Variants in KIAA1217 observed in about 807,000 individuals in gnomAD.
The protein encoded by KIAA1217 is KIAA1217, also known as sickle tail protein homolog.
A neutral mutation model predicts 163.9 loss-of-function variants in KIAA1217; 88 were observed. That is an observed-to-expected ratio of 0.54 (90% CI 0.45 to 0.64). The LOEUF is 0.64. Ranked by LOEUF, KIAA1217 falls within the 30% of genes least tolerant of loss-of-function variation. KIAA1217 has a pLI of 0.00. For synonymous variants in KIAA1217, 903 were observed against 923.1 expected (o/e 0.98, Z 0.39); for missense variants, 2,372 against 2,475.0 (o/e 0.96, Z 0.88).
chr10:24,452,379 G>C (rs1370654113), intron 5 of KIAA1217, among the ~76,000 whole-genome samples: 1 of 151,934 alleles, frequency 6.6e-6, no homozygotes, highest in Non-Finnish European at 1.5e-5. Context: ...CATTTAGCAG[G>C]AATGAATGAG....
chr10:24,163,389 C>A (rs1401553657), intron 2 of KIAA1217, among the ~76,000 whole-genome samples: 1 of 152,224 alleles, frequency 6.6e-6, no homozygotes, highest in Non-Finnish European at 1.5e-5. Context: ...TCTCAACTCT[C>A]AAATTCCATC....
At chr10:23,820,045 A>G (rs1057072444) in intron 1 of KIAA1217, among the ~76,000 whole-genome samples, 12 of 152,352 alleles carry the variant, frequency 7.9e-5, no homozygotes, top group African/African-American at 2.2e-4. Context: ...GCACAAATAC[A>G]GAGTATCTGG....
intron 1 of KIAA1217, among the ~76,000 whole-genome samples, chr10:23,898,295 C>CTATA (rs202024385): frequency 2.7e-4 from 41 of 150,138 alleles, no homozygotes; most frequent in African/African-American, 9.3e-4. Flanking sequence ...ATTTATAAGA[C>CTATA]TATATATATA....
chr10:24,071,955 G>T (rs1165301263), intron 2 of KIAA1217, among the ~76,000 whole-genome samples: 1 of 151,966 alleles, frequency 6.6e-6, no homozygotes, highest in Non-Finnish European at 1.5e-5. Context: ...CAGAATCCTG[G>T]TTAGGAAGTA....
At chr10:23,875,738 G>A (rs1005303346) in intron 1 of KIAA1217, among the ~76,000 whole-genome samples, 2 of 151,898 alleles carry the variant, frequency 1.3e-5, no homozygotes, top group African/African-American at 2.4e-5. Flanking sequence ...GAAAAATGTG[G>A]CACATATACA....
chr10:24,211,396 G>A (rs1187281440), intron 1 of KIAA1217, among the ~76,000 whole-genome samples: 1 of 136,220 alleles, frequency 7.3e-6, no homozygotes, highest in Non-Finnish European at 1.6e-5. Context: ...TTTTTAGAGA[G>A]GGTCTCATTT....
Position 24,542,771 on chromosome 10 carries a change from G to A in KIAA1217, c.3612+1G>A, listed in dbSNP as rs1477104802. On this transcript the variant is annotated splice_donor_variant, in intron 18 of 20. Coordinates refer to ENST00000376454, the MANE Select transcript of KIAA1217 (RefSeq NM_019590.5). LOFTEE classifies it high-confidence loss of function. ...TGGCCCCCAAATGGAATTCCAAAAG[G>A]TGAGTTCACCAGATCTGGGTTCCGA... The A allele has an allele frequency of 1.2e-6, 2 of 1,613,916 alleles. No homozygotes were observed. Among genetic ancestry groups the A allele is most frequent in the Admixed American group, 3.3e-5 (2 of 60,024 alleles).
intron 3 of KIAA1217, among the ~76,000 whole-genome samples, chr10:24,389,087 T>C (rs920041072): frequency 2.0e-5 from 3 of 152,104 alleles, no homozygotes; most frequent in African/African-American, 7.2e-5. Flanking sequence ...ATCATGCTGC[T>C]ATAAACACAC....
intron 2 of KIAA1217, among the ~76,000 whole-genome samples, chr10:24,197,766 C>G (rs2067058950): frequency 6.6e-6 from 1 of 152,210 alleles, no homozygotes; most frequent in African/African-American, 2.4e-5. Flanking sequence ...TCTCTCAAAT[C>G]CATTCTCCAC....
intron 2 of KIAA1217, among the ~76,000 whole-genome samples, chr10:24,337,383 A>C (rs762619413): frequency 2.0e-5 from 3 of 152,152 alleles, no homozygotes; most frequent in Non-Finnish European, 4.4e-5. Flanking sequence ...CCCCATCCTA[A>C]TGAGTATGAA....
At chr10:24,337,636 TTTTCTTTTCTTTTC>T (rs761727183) in intron 2 of KIAA1217, among the ~76,000 whole-genome samples, 7,856 of 78,788 alleles carry the variant, frequency 0.1, 473 homozygotes, top group African/African-American at 0.21. Flanking sequence ...TTTTCTTTTC[TTTTCTTTTCTTTTC>T]TTTTTTTTTT....
intron 6 of KIAA1217, among the ~76,000 whole-genome samples, chr10:24,484,241 A>ATATATATATATATTTTTTTTTTTT (rs1376083298): frequency 2.1e-4 from 16 of 75,158 alleles, no homozygotes; most frequent in East Asian, 4.6e-4. Context: ...ATATATATAT[A>ATATATATATATATTTTTTTTTTTT]TTTTTTTTTT....
chr10:24,121,858 T>G (rs146555699), intron 2 of KIAA1217, among the ~76,000 whole-genome samples: 1 of 152,300 alleles, frequency 6.6e-6, no homozygotes, highest in East Asian at 1.9e-4. Context: ...TTTGCCACCT[T>G]TATTACATAC....
intron 1 of KIAA1217, among the ~76,000 whole-genome samples, chr10:23,758,368 A>G (rs765733244): frequency 5.9e-5 from 9 of 152,166 alleles, no homozygotes; most frequent in Non-Finnish European, 1.3e-4. Context: ...ATTTGACCAT[A>G]TATGCAAGGG....
chr10:24,078,385 G>A (rs2061433798), intron 2 of KIAA1217, among the ~76,000 whole-genome samples: 1 of 152,126 alleles, frequency 6.6e-6, no homozygotes, highest in Admixed American at 6.5e-5. Flanking sequence ...GAGAGGGGAG[G>A]ACATGTTTCC....
intron 2 of KIAA1217, among the ~76,000 whole-genome samples, chr10:24,277,705 C>T (rs1173730573): frequency 1.3e-5 from 2 of 152,198 alleles, no homozygotes; most frequent in Non-Finnish European, 2.9e-5. Flanking sequence ...TTTGCTTCCC[C>T]TTCAACCATG....
At chr10:24,482,162 G>C (rs1279520253) in intron 6 of KIAA1217, 2 of 152,152 alleles carry the variant, frequency 1.3e-5, no homozygotes, top group Non-Finnish European at 2.9e-5. Flanking sequence ...TGTCAGAAAT[G>C]CCAATGGAAT....
intron 2 of KIAA1217, among the ~76,000 whole-genome samples, chr10:24,141,082 A>G (rs1279139866): frequency 6.6e-6 from 1 of 152,056 alleles, no homozygotes. Context: ...TTGAAATGGC[A>G]ATGAGTTTAC....
chr10:23,921,980 C>T (rs1162857767), intron 1 of KIAA1217, among the ~76,000 whole-genome samples: 1 of 152,052 alleles, frequency 6.6e-6, no homozygotes, highest in Non-Finnish European at 1.5e-5. Context: ...TAGATAGCTT[C>T]AGGATGGGAG....
Sources: gnomAD v4.1 joint callset for allele counts (sites outside exome capture counted in the v4.1 genomes callset) on GRCh38, gnomAD v4.1.1 for gene constraint, MANE v1.5 for transcripts, NCBI Gene and HGNC (gene_info 2026-07-23, HGNC 2026-07-21) for gene names.